The following PLXNA4 variants were observed in gnomAD, a reference collection of about 807,000 sequenced individuals.
PLXNA4 encodes plexin-A4.
Under a neutral mutation model 191.8 loss-of-function variants are expected in PLXNA4, and 44 were observed. The observed-to-expected ratio is 0.23, with a 90% CI of 0.18 to 0.29. PLXNA4 has a LOEUF of 0.29. PLXNA4 is among the 10% of genes least tolerant of loss of function. The pLI is 1.00. For synonymous variants in PLXNA4, 1,082 were observed against 1,009.5 expected (o/e 1.07, Z -1.36); for missense variants, 1,800 against 2,488.8 (o/e 0.72, Z 5.89).
intron 1 of PLXNA4, among the ~76,000 whole-genome samples, chr7:132,527,808 A>C (rs954325588): frequency 1.3e-5 from 2 of 152,084 alleles, no homozygotes; most frequent in Non-Finnish European, 2.9e-5. Flanking sequence ...GCACGTGCCC[A>C]CCTGATCCAA....
intron 1 of PLXNA4, among the ~76,000 whole-genome samples, chr7:132,529,320 T>C (rs575124535): frequency 6.6e-6 from 1 of 152,368 alleles, no homozygotes; most frequent in African/African-American, 2.4e-5. Context: ...CTCCCTACTC[T>C]GCATACTTAT....
At chr7:132,527,450 G>C (rs751326429) in intron 1 of PLXNA4, among the ~76,000 whole-genome samples, 5 of 150,248 alleles carry the variant, frequency 3.3e-5, no homozygotes, top group Non-Finnish European at 5.9e-5. Context: ...GTTTAAAGAG[G>C]CTAAATGCCT....
At chr7:132,272,763 A>T (rs1282873130) in intron 4 of PLXNA4, among the ~76,000 whole-genome samples, 1 of 152,210 alleles carries the variant, frequency 6.6e-6, no homozygotes, top group Non-Finnish European at 1.5e-5. Flanking sequence ...TGACTTTGTA[A>T]TGCTGTTCCT....
chr7:132,632,628 G>A (rs1442077662), intron 2 of PLXNA4, among the ~76,000 whole-genome samples: 1 of 152,162 alleles, frequency 6.6e-6, no homozygotes, highest in South Asian at 2.1e-4. Context: ...TAATTTGGGG[G>A]AGGGTAGATA....
At chr7:132,451,185 T>C (rs1796108216) in intron 3 of PLXNA4, among the ~76,000 whole-genome samples, 1 of 152,158 alleles carries the variant, frequency 6.6e-6, no homozygotes, top group African/African-American at 2.4e-5. Context: ...GGCCCACCCT[T>C]CACAGCTGAG....
intron 22 of PLXNA4, among the ~76,000 whole-genome samples, chr7:132,166,174 C>A (rs561115739): frequency 6.6e-6 from 1 of 151,538 alleles, no homozygotes; most frequent in Non-Finnish European, 1.5e-5. Context: ...TCCAGCCTGG[C>A]GACAGAGTGA....
At chr7:132,269,395 G>A (rs114654222) in intron 4 of PLXNA4, among the ~76,000 whole-genome samples, 393 of 129,010 alleles carry the variant, frequency 3.0e-3, no homozygotes, top group African/African-American at 0.011. Flanking sequence ...CTCCCATGAC[G>A]ACAGCCTTCT....
chr7:132,352,054 A>G (rs931186983), intron 3 of PLXNA4, among the ~76,000 whole-genome samples: 2 of 152,108 alleles, frequency 1.3e-5, no homozygotes, highest in Admixed American at 6.5e-5. Context: ...CTGACATAAT[A>G]TCGGCCTTTA....
At chr7:132,621,258 TG>T (rs1803258015) in intron 2 of PLXNA4, among the ~76,000 whole-genome samples, 4 of 106,914 alleles carry the variant, frequency 3.7e-5, no homozygotes, top group African/African-American at 9.9e-5. Flanking sequence ...TTTTTTTTTT[TG>T]GTTTTTTTGT....
intron 2 of PLXNA4, among the ~76,000 whole-genome samples, chr7:132,590,168 A>G (rs538101154): frequency 2.0e-5 from 3 of 152,336 alleles, no homozygotes; most frequent in African/African-American, 7.2e-5. Flanking sequence ...TTCTTATGCT[A>G]TATGAACCAA....
At chr7:132,564,126 T>C (rs1373614457) in intron 1 of PLXNA4, among the ~76,000 whole-genome samples, 2 of 75,076 alleles carry the variant, frequency 2.7e-5, no homozygotes, top group African/African-American at 5.6e-5. Context: ...TCCTCTTCTT[T>C]CTCCTCCTCC....
chr7:132,563,095 TCCTCCTCCTCCTCTC>T (rs1801382218), intron 1 of PLXNA4, among the ~76,000 whole-genome samples: 3 of 24,190 alleles, frequency 1.2e-4, no homozygotes, highest in Non-Finnish European at 2.9e-4. Flanking sequence ...CTCCTCTTCT[TCCTCCTCCTCCTCTC>T]CCTCCTCCTC....
At chr7:132,422,100 A>G (rs1034923624) in intron 3 of PLXNA4, among the ~76,000 whole-genome samples, 1 of 152,246 alleles carries the variant, frequency 6.6e-6, no homozygotes, top group Non-Finnish European at 1.5e-5. Flanking sequence ...TGATTTGCTC[A>G]GTTGGTTACC....
chr7:132,563,100 C>T (rs1801383633), intron 1 of PLXNA4, among the ~76,000 whole-genome samples: 1 of 115,522 alleles, frequency 8.7e-6, no homozygotes, highest in Non-Finnish European at 1.9e-5. Context: ...CTTCTTCCTC[C>T]TCCTCCTCTC....
intron 2 of PLXNA4, among the ~76,000 whole-genome samples, chr7:132,588,619 C>T (rs966513420): frequency 2.7e-5 from 3 of 111,270 alleles, no homozygotes; most frequent in African/African-American, 1.0e-4. Context: ...AGAGAGAACA[C>T]ACCTTGAGGA....
intron 3 of PLXNA4, among the ~76,000 whole-genome samples, chr7:132,377,756 T>G (rs1804719612): frequency 6.6e-6 from 1 of 152,118 alleles, no homozygotes; most frequent in Admixed American, 6.5e-5. Context: ...CTCCAGAAGA[T>G]ATCTGTGAGC....
chr7:132,647,846 CACTA>C (rs1803910738), intron 1 of PLXNA4, among the ~76,000 whole-genome samples: 1 of 151,692 alleles, frequency 6.6e-6, no homozygotes, highest in African/African-American at 2.4e-5. Flanking sequence ...CATAAACACA[CACTA>C]TCATATACAC....
At chr7:132,466,392 G>C (rs996426075) in intron 3 of PLXNA4, among the ~76,000 whole-genome samples, 1 of 152,190 alleles carries the variant, frequency 6.6e-6, no homozygotes, top group African/African-American at 2.4e-5. Context: ...GTGGCCTTGG[G>C]TTAGCTCTTT....
At chr7:132,414,731 CAAG>C (rs767922193) in intron 3 of PLXNA4, among the ~76,000 whole-genome samples, 1 of 152,030 alleles carries the variant, frequency 6.6e-6, no homozygotes, top group East Asian at 1.9e-4. Flanking sequence ...TTCAAGGTGG[CAAG>C]AAGAACAGAG....
Sources: gnomAD v4.1 joint callset for allele counts (sites outside exome capture counted in the v4.1 genomes callset) on GRCh38, gnomAD v4.1.1 for gene constraint, MANE v1.5 for transcripts, NCBI Gene and HGNC (gene_info 2026-07-23, HGNC 2026-07-21) for gene names.